CDH4: variants seen among roughly 807,000 people sequenced by gnomAD.
The protein encoded by CDH4 is cadherin-4.
In CDH4, 33 loss-of-function variants were observed where a neutral mutation model predicts 86.0. The ratio of observed to expected loss-of-function variants is 0.38; its 90% CI spans 0.29 to 0.51. The LOEUF (loss-of-function observed/expected upper bound fraction) is 0.51, where lower values mean the gene tolerates loss of function less well. CDH4 is among the 20% of genes least tolerant of loss of function. CDH4 has a pLI of 0.86. For synonymous variants in CDH4, 555 were observed against 549.4 expected (o/e 1.01, Z -0.14); for missense variants, 1,114 against 1,307.4 (o/e 0.85, Z 2.28).
intron 8 of CDH4, among the ~76,000 whole-genome samples, chr20:61,895,709 C>T (rs760794745): frequency 5.3e-5 from 8 of 152,228 alleles, no homozygotes; most frequent in Non-Finnish European, 7.3e-5. Context: ...GAGGCCACTG[C>T]GCCGACAGAC....
chr20:61,646,963 G>A lies in CDH4; in HGVS notation c.170-96600G>A, dbSNP rs185025527. ...ACTGTCTGTGATTCGGGAAGACTGG[G>A]AAAGTGAAGGCTCCAGGGAGTGGGC... On this transcript the variant is annotated intron_variant, in intron 2 of 15. Coordinates refer to ENST00000614565, the MANE Select transcript of CDH4 (RefSeq NM_001794.5). 5.2e-4 allele frequency among the ~76,000 whole-genome samples: 79 copies of A among 152,350 alleles called. 2 individuals carry two copies. In the South Asian group the frequency reaches 6.2e-3, roughly 12 times the overall value.
intron 2 of CDH4, among the ~76,000 whole-genome samples, chr20:61,331,624 C>T (rs1395613328): frequency 1.2e-4 from 18 of 145,316 alleles, no homozygotes; most frequent in South Asian, 4.4e-4. Flanking sequence ...CCCAGGCCCA[C>T]CTCCTGCCCC....
chr20:61,847,897 A>G (rs1568847540), intron 5 of CDH4, among the ~76,000 whole-genome samples: 1 of 152,180 alleles, frequency 6.6e-6, no homozygotes, highest in East Asian at 1.9e-4. Context: ...GCCATTGACA[A>G]GTGATCCACC....
chr20:61,579,166 C>G (rs1364956499), intron 2 of CDH4, among the ~76,000 whole-genome samples: 1 of 152,172 alleles, frequency 6.6e-6, no homozygotes, highest in Non-Finnish European at 1.5e-5. Context: ...TAGGTACTCA[C>G]ACTCTCACAA....
Position 61,924,505 on chromosome 20 carries a change from C to T in CDH4, c.1771+29C>T, listed in dbSNP as rs755471653. 10 of 1,602,292 alleles carry T rather than the reference C, an allele frequency of 6.2e-6. No individual in the cohort carries two copies. In the Admixed American group the frequency reaches 1.7e-4, roughly 27 times the overall value. ...CGGCCCACCCCAGGGAGGCAGCCGT[C>T]TCGGTGGCCTTCCCGTGTCCTGGGT... On this transcript the variant is annotated intron_variant, in intron 11 of 15. Coordinates refer to ENST00000614565, the MANE Select transcript of CDH4 (RefSeq NM_001794.5).
In CDH4 at chr20:61,910,560, G is replaced by A. The variant is rs572974573; in HGVS notation, c.1327G>A (p.Val443Ile). Residue 443 changes from valine (V) to isoleucine (I), a missense_variant, in exon 9 of 16, where the codon GTC becomes ATC. By Grantham distance (29) the Val-to-Ile change is conservative. Coordinates refer to ENST00000614565, the MANE Select transcript of CDH4 (RefSeq NM_001794.5). The stretch of plus-strand genomic sequence containing the variant: ...TGGGGATCCATCCGGGCACTTCAGC[G>A]TCCGCACAGACCCCGTAACCAACGA... ...ISGDPSGHFS[V>I]RTDPVTNEGM... 96 of 1,613,880 alleles carry A rather than the reference G, an allele frequency of 5.9e-5. 1 individual carries two copies. Among genetic ancestry groups the A allele is most frequent in the South Asian group, 4.3e-4 (39 of 91,088 alleles).
rs142273530 is a variant in CDH4, at chr20:61,335,600, C to A, written c.169+80663C>A. On this transcript the variant is annotated intron_variant, in intron 2 of 15. Coordinates refer to ENST00000614565, the MANE Select transcript of CDH4 (RefSeq NM_001794.5). Reference sequence around the variant, plus strand: ...AATCTCCATGACTCATTCAGATTTCCGTCAAGAAAATTCAAACTGAGGTGG... The same window carrying A: ...AATCTCCATGACTCATTCAGATTTCAGTCAAGAAAATTCAAACTGAGGTGG... Among the ~76,000 whole-genome samples, 6 of 152,230 alleles carry A rather than the reference C, an allele frequency of 3.9e-5. No individual in the cohort carries two copies. The East Asian group carries it at 1.2e-3, about 29-fold the overall frequency.
chr20:61,578,042 C>A (rs955897830), intron 2 of CDH4, among the ~76,000 whole-genome samples: 3 of 152,200 alleles, frequency 2.0e-5, no homozygotes, highest in Admixed American at 2.0e-4. Flanking sequence ...AGCCAGGAAA[C>A]CTCTGCCCCT....
At chr20:61,325,936 C>T (rs773372894) in intron 2 of CDH4, among the ~76,000 whole-genome samples, 1 of 152,168 alleles carries the variant, frequency 6.6e-6, no homozygotes, top group East Asian at 1.9e-4. Flanking sequence ...TGGTCAGTGC[C>T]GTGCCATTCC....
At chr20:61,339,700 C>A (rs1600881018) in intron 2 of CDH4, among the ~76,000 whole-genome samples, 1 of 152,122 alleles carries the variant, frequency 6.6e-6, no homozygotes, top group African/African-American at 2.4e-5. Context: ...ACGTGGGCTT[C>A]CTGCCTGCTC....
chr20:61,283,517 T>C (rs1363997920), intron 2 of CDH4, among the ~76,000 whole-genome samples: 2 of 122,258 alleles, frequency 1.6e-5, no homozygotes, highest in Admixed American at 8.5e-5. Context: ...TGTGCTGTGG[T>C]GTGTGATGTA....
intron 6 of CDH4, among the ~76,000 whole-genome samples, chr20:61,863,190 A>C (rs766356006): frequency 2.0e-5 from 3 of 152,252 alleles, no homozygotes; most frequent in Non-Finnish European, 4.4e-5. Flanking sequence ...CGAGCCTGGC[A>C]GCCTCCGCTG....
chr20:61,349,108 C>T (rs1754345003), intron 2 of CDH4, among the ~76,000 whole-genome samples: 1 of 152,200 alleles, frequency 6.6e-6, no homozygotes, highest in Non-Finnish European at 1.5e-5. Context: ...GAAGATCACA[C>T]GTATGTCATG....
At chr20:61,348,564 G>A (rs1386536003) in intron 2 of CDH4, among the ~76,000 whole-genome samples, 1 of 152,120 alleles carries the variant, frequency 6.6e-6, no homozygotes, top group African/African-American at 2.4e-5. Flanking sequence ...TCCAGTGAGA[G>A]CTTCACTTCT....
chr20:61,732,464 C>G (rs1208654479), intron 2 of CDH4, among the ~76,000 whole-genome samples: 2 of 152,150 alleles, frequency 1.3e-5, no homozygotes, highest in Non-Finnish European at 2.9e-5. Context: ...TCCCTTCCTG[C>G]CCCCCAGTCT....
At chr20:61,581,875 C>G (rs2086431589) in intron 2 of CDH4, among the ~76,000 whole-genome samples, 1 of 152,160 alleles carries the variant, frequency 6.6e-6, no homozygotes, top group South Asian at 2.1e-4. Flanking sequence ...GGCAGCTCAG[C>G]CCTTTCTGCT....
At chr20:61,273,386 G>A (rs1448998986) in intron 2 of CDH4, among the ~76,000 whole-genome samples, 4 of 126,056 alleles carry the variant, frequency 3.2e-5, no homozygotes, top group East Asian at 2.7e-4. Flanking sequence ...GGGGAGTACC[G>A]TGTGCAGTTT....
At chr20:61,700,673 C>T (rs1044068738) in intron 2 of CDH4, among the ~76,000 whole-genome samples, 1 of 152,090 alleles carries the variant, frequency 6.6e-6, no homozygotes, top group Non-Finnish European at 1.5e-5. Context: ...ACACGTCACC[C>T]CATACGGCCT....
chr20:61,293,315 GGAGGACCC>G (rs1159820827), intron 2 of CDH4, among the ~76,000 whole-genome samples: 1 of 152,198 alleles, frequency 6.6e-6, no homozygotes, highest in Non-Finnish European at 1.5e-5. Context: ...ACGGGTGGCA[GGAGGACCC>G]GTAGGACAGG....
Sources: gnomAD v4.1 joint callset for allele counts (sites outside exome capture counted in the v4.1 genomes callset) on GRCh38, gnomAD v4.1.1 for gene constraint, MANE v1.5 for transcripts, NCBI Gene and HGNC (gene_info 2026-07-23, HGNC 2026-07-21) for gene names.